The following CYSLTR1 variants were observed in gnomAD, a reference collection of about 807,000 sequenced individuals.
The protein encoded by CYSLTR1 is cysteinyl leukotriene receptor 1, also known as G-protein coupled receptor HG55.
CYSLTR1 carries 1 observed loss-of-function variant against 2.1 expected under a neutral mutation model. That is an observed-to-expected ratio of 0.48 (90% CI 0.17 to 2.28). The LOEUF (loss-of-function observed/expected upper bound fraction) is 2.28, where lower values mean the gene tolerates loss of function less well. CYSLTR1 is among the 30% of genes most tolerant of loss of function. CYSLTR1 has a pLI of 0.26. For missense variants in CYSLTR1, 299 were observed against 250.1 expected (o/e 1.20, Z -1.32); for synonymous variants, 110 against 89.6 (o/e 1.23, Z -1.28).
At chrX:78,320,385 G>A (rs946758991) in intron 1 of CYSLTR1, 16 of 111,471 alleles carry the variant, frequency 1.4e-4, no homozygotes, top group Admixed American at 1.4e-3. Context: ...CCCATTGCTT[G>A]TTTTTTGTCA....
Position 78,324,356 on chromosome X carries a change from A to C in CYSLTR1, c.-115+2949T>G, listed in dbSNP as rs1428571599. Among the ~76,000 whole-genome samples the C allele has an allele frequency of 5.4e-5, 6 of 112,014 alleles. No homozygotes were observed. The Admixed American group carries it at 5.6e-4, about 11-fold the overall frequency. On this transcript the variant is annotated intron_variant, in intron 1 of 2. Transcript: ENST00000373304. ...CTATGAGTCTATCAGACTTCTTAGC[A>C]GTTTTTTGTTTGTTTGTTTGTTTGT...
chrX:78,290,752 CTGTT>C (rs746127876), intron 1 of CYSLTR1, among the ~76,000 whole-genome samples: 46 of 111,715 alleles, frequency 4.1e-4, no homozygotes, highest in Admixed American at 8.6e-4. Flanking sequence ...ATTTGGCTCT[CTGTT>C]TGTGTGTTAT....
At chrX:78,325,482 A>T (rs1421470274) in intron 1 of CYSLTR1, among the ~76,000 whole-genome samples, 1 of 112,392 alleles carries the variant, frequency 8.9e-6, no homozygotes, top group Non-Finnish European at 1.9e-5. Flanking sequence ...AAATATTCCT[A>T]TCAGCTCATT....
intron 1 of CYSLTR1, among the ~76,000 whole-genome samples, chrX:78,306,290 A>T (rs1477954056): frequency 2.7e-5 from 3 of 110,603 alleles, no homozygotes; most frequent in South Asian, 3.8e-4. Context: ...CAGCCTCCTG[A>T]GTAGCTGGGA....
chrX:78,289,443 T>C (rs1370681601), intron 1 of CYSLTR1, among the ~76,000 whole-genome samples: 1 of 112,284 alleles, frequency 8.9e-6, no homozygotes, highest in South Asian at 3.7e-4. Context: ...TGTGTCTTTA[T>C]AGTAGAATGA....
intron 1 of CYSLTR1, among the ~76,000 whole-genome samples, chrX:78,298,042 G>A (rs373046379): frequency 1.8e-5 from 2 of 110,716 alleles, no homozygotes; most frequent in Admixed American, 9.6e-5. Context: ...TATCACTTTC[G>A]CTATATCCCA....
chrX:78,313,273 G>A (rs1382921010), intron 1 of CYSLTR1, among the ~76,000 whole-genome samples: 1 of 111,458 alleles, frequency 9.0e-6, no homozygotes, highest in Non-Finnish European at 1.9e-5. Flanking sequence ...AATACATATA[G>A]ACATAAATAT....
At chrX:78,287,887 A>T in intron 1 of CYSLTR1, among the ~76,000 whole-genome samples, 2 of 111,563 alleles carry the variant, frequency 1.8e-5, no homozygotes, top group Admixed American at 1.9e-4. Flanking sequence ...AAGTATATAC[A>T]TGTGTGAAAA....
intron 1 of CYSLTR1, among the ~76,000 whole-genome samples, chrX:78,303,274 C>A (rs987263711): frequency 9.0e-6 from 1 of 111,650 alleles, no homozygotes; most frequent in Non-Finnish European, 1.9e-5. Context: ...ACTCTCTGCA[C>A]CATGCTGCCA....
chrX:78,311,069 T>C (rs772140772), intron 1 of CYSLTR1, among the ~76,000 whole-genome samples: 4 of 110,906 alleles, frequency 3.6e-5, no homozygotes, highest in Non-Finnish European at 7.6e-5. Flanking sequence ...AGAATACTGA[T>C]ATATAAGGGA....
intron 2 of CYSLTR1, among the ~76,000 whole-genome samples, chrX:78,277,044 T>C (rs1921622306): frequency 1.8e-5 from 2 of 111,252 alleles, no homozygotes; most frequent in South Asian, 7.6e-4. Flanking sequence ...GGAGAACTTC[T>C]CAGAGAGTTG....
At chrX:78,279,354 C>T (rs557295010) in intron 2 of CYSLTR1, among the ~76,000 whole-genome samples, 2 of 111,735 alleles carry the variant, frequency 1.8e-5, no homozygotes, top group Middle Eastern at 9.3e-3. Context: ...CGAAAAAATG[C>T]TCAACATCAC....
rs1395823700 is a variant in CYSLTR1 at position 78,273,096 on chromosome X, T to C, written c.651A>G (p.Leu217=). The change falls in exon 3 of 3, where the codon CTA becomes CTG. Residue 217 remains leucine (L), a synonymous_variant. Coordinates refer to ENST00000373304, the MANE Select transcript of CYSLTR1 (RefSeq NM_006639.4). ...VCYTMIILTL[L]KKSMKKNLSS... ...ACAGATTTTTTTTCATTGATTTTTT[T>C]AGTAAGGTCAAAATGATCATTGTGT... The C allele has an allele frequency of 1.7e-6, 2 of 1,207,499 alleles. No individual in the cohort carries two copies. Among genetic ancestry groups the C allele is most frequent in the South Asian group, 1.8e-5 (1 of 56,547 alleles).
At chrX:78,305,469 G>A (rs900531052) in intron 1 of CYSLTR1, among the ~76,000 whole-genome samples, 1 of 111,020 alleles carries the variant, frequency 9.0e-6, no homozygotes, top group African/African-American at 3.3e-5. Flanking sequence ...AGGGTTGTTG[G>A]AGACATCAGA....
chrX:78,289,870 G>A (rs1459944071), intron 1 of CYSLTR1, among the ~76,000 whole-genome samples: 1 of 111,569 alleles, frequency 9.0e-6, no homozygotes, highest in Non-Finnish European at 1.9e-5. Flanking sequence ...TTAGCCCTTT[G>A]TCAGATGGGT....
intron 1 of CYSLTR1, among the ~76,000 whole-genome samples, chrX:78,296,598 T>C (rs892304810): frequency 2.7e-5 from 3 of 111,836 alleles, no homozygotes; most frequent in African/African-American, 9.7e-5. Context: ...AGTTTTCTTA[T>C]AGAAATCTTT....
chrX:78,289,709 G>C (rs1316264561), intron 1 of CYSLTR1, among the ~76,000 whole-genome samples: 1 of 112,169 alleles, frequency 8.9e-6, no homozygotes, highest in Non-Finnish European at 1.9e-5. Flanking sequence ...TTCTCTGATG[G>C]CCAGTGATGA....
At position 78,272,062 on chromosome X, in the gene CYSLTR1, G is replaced by A. The variant is rs1050334454; in HGVS notation, c.*671C>T. 8.9e-6 allele frequency: 1 copy of A among 111,892 alleles called. No homozygotes were observed. The highest frequency in any genetic ancestry group is 3.2e-5 in the African/African-American group (1 of 30,823). The allele number at this position is 111,892 out of a possible 1,213,427, so 9.2% of individuals were successfully genotyped here. A position where few individuals can be genotyped will look rare whatever the true frequency, so the allele number is the denominator to read the frequency against. On this transcript the variant is annotated 3_prime_UTR_variant, in exon 3 of 3. Transcript: ENST00000373304. ...TCAATTTTGGGAGCCTGAGGCAAAG[G>A]CAGAAGAAAACTGGAGACAAACTGG...
At chrX:78,291,484 G>C (rs967585427) in intron 1 of CYSLTR1, among the ~76,000 whole-genome samples, 2 of 111,397 alleles carry the variant, frequency 1.8e-5, no homozygotes, top group South Asian at 7.6e-4. Flanking sequence ...CATAAAATGA[G>C]TTAGGGAGGA....
Sources: gnomAD v4.1 joint callset for allele counts (sites outside exome capture counted in the v4.1 genomes callset) on GRCh38, gnomAD v4.1.1 for gene constraint, MANE v1.5 for transcripts, NCBI Gene and HGNC (gene_info 2026-07-23, HGNC 2026-07-21) for gene names.